The following DISP1 variants were observed in gnomAD, a reference collection of about 807,000 sequenced individuals.
DISP1 encodes the protein protein dispatched homolog 1.
DISP1 carries 30 observed loss-of-function variants against 37.3 expected under a neutral mutation model. That is an observed-to-expected ratio of 0.80 (90% confidence interval 0.60 to 1.09). The LOEUF (loss-of-function observed/expected upper bound fraction) is 1.09. Ranked by LOEUF, DISP1 falls within the 50% of genes least tolerant of loss-of-function variation. The pLI, the probability that DISP1 is intolerant of heterozygous loss-of-function variation, is 0.00. For missense variants in DISP1, 1,598 were observed against 1,879.5 expected (o/e 0.85, Z 2.77); for synonymous variants, 634 against 690.2 (o/e 0.92, Z 1.28).
chr1:222,965,128 A>G (rs1422684010), intron 3 of DISP1, among the ~76,000 whole-genome samples: 2 of 152,170 alleles, frequency 1.3e-5, no homozygotes, highest in Non-Finnish European at 2.9e-5. Flanking sequence ...ATTTCGCTGC[A>G]GTATAGCCTA....
At chr1:222,849,069 T>A (rs1485832404) in intron 1 of DISP1, among the ~76,000 whole-genome samples, 1 of 152,216 alleles carries the variant, frequency 6.6e-6, no homozygotes, top group African/African-American at 2.4e-5. Context: ...TGAATGTGTG[T>A]ATACTACATA....
intron 3 of DISP1, among the ~76,000 whole-genome samples, chr1:222,959,812 A>C (rs953438967): frequency 2.0e-4 from 30 of 152,072 alleles, no homozygotes; most frequent in African/African-American, 7.0e-4. Context: ...GAAAAAAAAA[A>C]AAAGCAAGCA....
In DISP1 at chr1:223,002,979, A is replaced by G. The variant is rs1679583209; in HGVS notation, c.1582A>G (p.Thr528Ala). Residue 528 changes from threonine (T) to alanine (A), a missense_variant, in exon 9 of 9, where the codon ACT (threonine) becomes GCT (alanine). Physicochemically the swap from Thr to Ala is moderately conservative, Grantham distance 58 (BLOSUM62 0). Transcript: ENST00000675850. ...TGTCTACACCAAGTCCATGTTTATC[A>G]CTCTGATGACAATGTTTGCAATAAT... The part of the protein sequence containing the change: ...MCVYTKSMFI[T>A]LMTMFAIISS... The G allele has an allele frequency of 1.9e-6, 3 of 1,613,808 alleles. No homozygotes were observed. The highest frequency in any genetic ancestry group is 2.5e-6 in the Non-Finnish European group (3 of 1,180,000).
intron 1 of DISP1, among the ~76,000 whole-genome samples, chr1:222,882,348 T>C (rs1365511153): frequency 6.6e-6 from 1 of 152,164 alleles, no homozygotes; most frequent in Non-Finnish European, 1.5e-5. Flanking sequence ...GAATTTTTCT[T>C]CACTACTAGA....
chr1:222,919,345 G>A (rs2789961), intron 1 of DISP1, among the ~76,000 whole-genome samples: 1 of 152,010 alleles, frequency 6.6e-6, no homozygotes, highest in Non-Finnish European at 1.5e-5. Flanking sequence ...CGCCCCGAGC[G>A]CAGTGTTTCT....
chr1:222,991,096 CAG>C (rs1379645924), intron 5 of DISP1, among the ~76,000 whole-genome samples: 14 of 152,182 alleles, frequency 9.2e-5, no homozygotes, highest in African/African-American at 3.4e-4. Context: ...GTATTACTAA[CAG>C]ATCACAGAGT....
At chr1:222,830,195 AC>A (rs1665392621) in intron 1 of DISP1, among the ~76,000 whole-genome samples, 1 of 152,194 alleles carries the variant, frequency 6.6e-6, no homozygotes, top group African/African-American at 2.4e-5. Context: ...ACATAACTTG[AC>A]CATGAAATCA....
chr1:222,858,523 T>C (rs1372590580), intron 1 of DISP1, among the ~76,000 whole-genome samples: 1 of 152,064 alleles, frequency 6.6e-6, no homozygotes, highest in Admixed American at 6.6e-5. Flanking sequence ...CAAAAGAAAG[T>C]ATCATCAGAG....
intron 3 of DISP1, among the ~76,000 whole-genome samples, chr1:222,957,202 G>A (rs1675671054): frequency 7.0e-6 from 1 of 142,426 alleles, no homozygotes; most frequent in Non-Finnish European, 1.5e-5. Context: ...GGTATGCATT[G>A]TATGGGAGGA....
At chr1:222,963,234 C>T (rs1459248744) in intron 3 of DISP1, among the ~76,000 whole-genome samples, 2 of 152,168 alleles carry the variant, frequency 1.3e-5, no homozygotes, top group African/African-American at 2.4e-5. Context: ...TACTGTCTCA[C>T]GCCAGTCAAA....
intron 1 of DISP1, among the ~76,000 whole-genome samples, chr1:222,866,314 C>T (rs960183737): frequency 6.8e-6 from 1 of 146,624 alleles, no homozygotes; most frequent in Non-Finnish European, 1.5e-5. Flanking sequence ...ATGATATTCC[C>T]GGGATAGTTT....
chr1:222,940,387 C>T (rs1674294423), intron 2 of DISP1, among the ~76,000 whole-genome samples: 1 of 152,042 alleles, frequency 6.6e-6, no homozygotes, highest in Non-Finnish European at 1.5e-5. Context: ...ATCATGAGAA[C>T]AGCACAAAGA....
At chr1:222,982,743 T>C (rs572346914) in intron 3 of DISP1, among the ~76,000 whole-genome samples, 24 of 152,278 alleles carry the variant, frequency 1.6e-4, no homozygotes, top group African/African-American at 5.3e-4. Context: ...TGTGGATTCC[T>C]GTTAGGGGAG....
intron 1 of DISP1, among the ~76,000 whole-genome samples, chr1:222,875,822 C>T (rs941106537): frequency 9.1e-6 from 1 of 110,486 alleles, no homozygotes; most frequent in Non-Finnish European, 1.8e-5. Context: ...AGAGAAACCA[C>T]ATCTCAATAA....
intron 3 of DISP1, among the ~76,000 whole-genome samples, chr1:222,974,486 T>C (rs1677174786): frequency 6.6e-6 from 1 of 152,248 alleles, no homozygotes; most frequent in Non-Finnish European, 1.5e-5. Flanking sequence ...GTACGTAGTA[T>C]TTACAAGGTG....
chr1:223,005,269 G>A lies in DISP1; in HGVS notation c.3872G>A (p.Gly1291Glu), dbSNP rs1195161968. Residue 1291 changes from glycine to glutamate, a missense_variant, in exon 9 of 9, where the codon GGG (glycine) becomes GAG (glutamate). By Grantham distance (98) the Gly-to-Glu change is moderately conservative. Coordinates refer to ENST00000675850, the MANE Select transcript of DISP1 (RefSeq NM_001377229.1). ...GGCCCACACTCTTGCCAGCAGATGG[G>A]GGACTGCTTGTGCCACCAGTGCTCT... ...NYGPHSCQQM[G>E]DCLCHQCSPT... 6.2e-7 allele frequency: 1 copy of A among 1,613,880 alleles called. No individual in the cohort carries two copies. Among genetic ancestry groups the A allele is most frequent in the Non-Finnish European group, 8.5e-7 (1 of 1,180,030 alleles).
At chr1:222,867,009 G>A (rs1216852204) in intron 1 of DISP1, among the ~76,000 whole-genome samples, 1 of 152,196 alleles carries the variant, frequency 6.6e-6, no homozygotes, top group African/African-American at 2.4e-5. Flanking sequence ...GCAATGCCTA[G>A]GGTGGTGTTC....
intron 1 of DISP1, among the ~76,000 whole-genome samples, chr1:222,905,252 G>A (rs903531081): frequency 5.9e-5 from 9 of 152,220 alleles, no homozygotes; most frequent in Admixed American, 2.6e-4. Context: ...AGTCTCAGAT[G>A]CATATTAGTA....
At position 223,005,912 on chromosome 1, in the gene DISP1, G is replaced by A; in HGVS notation, c.4515G>A (p.Val1505=). The change falls in exon 9 of 9, where the codon GTG becomes GTA. Residue 1505 remains valine, a synonymous_variant. Transcript: ENST00000675850. ...AAATGCCAAACATGGAAGCCAATGT[G>A]CCTGCTGTATTAACACACTCGGAAC... ...DCQMPNMEAN[V]PAVLTHSELS... is the part of the protein sequence containing the mutation. 1 of 1,614,112 alleles carries A rather than the reference G, an allele frequency of 6.2e-7. No individual in the cohort carries two copies. Among genetic ancestry groups the A allele is most frequent in the Non-Finnish European group, 8.5e-7 (1 of 1,180,034 alleles).
Sources: allele counts gnomAD v4.1 joint callset (sites outside exome capture counted in the v4.1 genomes callset), GRCh38; gene constraint gnomAD v4.1.1; transcripts MANE v1.5; gene names NCBI Gene and HGNC (gene_info 2026-07-23, HGNC 2026-07-21).